SMYD4: variants seen among roughly 807,000 people sequenced by gnomAD.
SMYD4 encodes protein-lysine N-methyltransferase SMYD4.
SMYD4 carries 68 observed loss-of-function variants against 72.8 expected under a neutral mutation model. That is an observed-to-expected ratio of 0.93 (90% CI 0.77 to 1.14). The LOEUF is 1.14. Among genes scored for constraint, SMYD4 ranks in the 50% most tolerant of loss-of-function variants. SMYD4 has a pLI of 0.00. For missense variants in SMYD4, 984 were observed against 1,003.7 expected, an observed-to-expected ratio of 0.98 and a Z score of 0.27; for synonymous variants, 407 against 388.6, an observed-to-expected ratio of 1.05 and a Z score of -0.56.
chr17:1,786,786 G>A (rs376851435), intron 7 of SMYD4, 24 bp downstream of exon 7: 40 of 1,613,460 alleles, frequency 2.5e-5, no homozygotes, highest in African/African-American at 5.3e-5. Flanking sequence ...CAGGAAAAGT[G>A]GAGGAGACAG....
intron 5 of SMYD4, among the ~76,000 whole-genome samples, chr17:1,795,334 C>G (rs1375276190): frequency 1.4e-5 from 1 of 69,852 alleles, no homozygotes; most frequent in African/African-American, 3.0e-5. Flanking sequence ...ATCTATCTAT[C>G]TAATCATCTA....
intron 2 of SMYD4, among the ~76,000 whole-genome samples, chr17:1,818,803 G>C (rs1854013650): frequency 6.6e-6 from 1 of 151,744 alleles, no homozygotes; most frequent in Admixed American, 6.6e-5. Flanking sequence ...ATCATGCGTG[G>C]CTAAATTACT....
Position 1,783,070 on chromosome 17 carries a change from A to G in SMYD4, c.2226T>C (p.His742=), listed in dbSNP as rs745884426. 3.7e-6 allele frequency: 6 copies of G among 1,613,736 alleles called. No homozygotes were observed. The highest frequency in any genetic ancestry group is 1.1e-5 in the South Asian group (1 of 91,076). ...RHGPSSVEMG[H]ELFKLAQIFF... is the part of the protein sequence containing the mutation. ...AGATCTGGGCCAATTTGAAGAGCTC[A>G]TGGCCCATTTCAACACTGGACGGCC... The change falls in exon 10 of 11, where the codon CAT becomes CAC. Residue 742 remains histidine, a synonymous_variant. Transcript: ENST00000305513.
chr17:1,781,551 C>T, intron 10 of SMYD4, 112 bp from the exon 11 acceptor site: 1 of 1,280,296 alleles, frequency 7.8e-7, no homozygotes, highest in Non-Finnish European at 1.1e-6. Flanking sequence ...CATCAAGGAT[C>T]CTACAATCTA....
intron 8 of SMYD4, chr17:1,783,716 T>C: frequency 1.7e-6 from 1 of 602,120 alleles, no homozygotes; most frequent in Non-Finnish European, 2.8e-6. Flanking sequence ...ATTTTCAACA[T>C]TAACTTCCCA....
At chr17:1,820,549 C>T (rs900849428) in intron 2 of SMYD4, among the ~76,000 whole-genome samples, 1 of 152,160 alleles carries the variant, frequency 6.6e-6, no homozygotes. Context: ...CTGGCCTACG[C>T]TCTTTTTTAT....
At chr17:1,818,216 C>T (rs1308905587) in intron 2 of SMYD4, among the ~76,000 whole-genome samples, 3 of 152,162 alleles carry the variant, frequency 2.0e-5, no homozygotes, top group Admixed American at 2.0e-4. Flanking sequence ...CCAGCCTTGC[C>T]ATCTCTCTCT....
Position 1,800,597 on chromosome 17 carries a change from A to T in SMYD4, c.797T>A (p.Val266Glu). 6.2e-7 allele frequency: 1 copy of T among 1,614,144 alleles called. No individual in the cohort carries two copies. Among genetic ancestry groups the T allele is most frequent in the African/African-American group, 1.3e-5 (1 of 75,058 alleles). Reference protein sequence around the residue: ...GELLVQEDAFVSVLNPGELPP... With the variant: ...GELLVQEDAFESVLNPGELPP... ...CAGTTCTCCTGGGTTGAGAACACTC[A>T]CAAAAGCATCCTCCTGCACCAGGAG... Residue 266 changes from valine to glutamate, a missense_variant, in exon 5 of 11, where the codon GTG becomes GAG. Val to Glu is a moderately radical substitution (Grantham distance 121). Coordinates refer to ENST00000305513, the MANE Select transcript of SMYD4 (RefSeq NM_052928.3).
Position 1,800,669 on chromosome 17 carries a change from A to G in SMYD4, c.725T>C (p.Leu242Ser). The change falls in exon 5 of 11, where the codon TTA becomes TCA. Residue 242 changes from leucine (L) to serine (S), a missense_variant. Coordinates refer to ENST00000305513, the MANE Select transcript of SMYD4 (RefSeq NM_052928.3). The stretch of plus-strand genomic sequence containing the variant: ...TGTGGCAACGAGACAGCGACCTTTT[A>G]AAGGATCTACGCATAAGCCGATGGA... ...SSSIGLCVDP[L>S]KGRCLVATKD... 1.2e-6 allele frequency: 2 copies of G among 1,614,136 alleles called. No homozygotes were observed. The highest frequency in any genetic ancestry group is 4.5e-5 in the East Asian group (2 of 44,886).
In SMYD4 at chr17:1,799,920, T is replaced by C. The variant is rs775607750; in HGVS notation, c.1474A>G (p.Met492Val). 6.2e-7 allele frequency: 1 copy of C among 1,613,904 alleles called. No individual in the cohort carries two copies. The highest frequency in any genetic ancestry group is 1.1e-5 in the South Asian group (1 of 91,068). ...CPDVTIWGVA[M>V]LRHMLQLQCN... ...TGAAGCTGTAACATGTGTCTCAGCATCGCCACTCCCCAAATAGTCACGTCA... is the reference window on the plus strand; with the variant it reads ...TGAAGCTGTAACATGTGTCTCAGCACCGCCACTCCCCAAATAGTCACGTCA... The change falls in exon 5 of 11, where the codon ATG becomes GTG. Residue 492 changes from methionine (M) to valine (V), a missense_variant. Physicochemically the swap from Met to Val is conservative, Grantham distance 21. Coordinates refer to ENST00000305513, the MANE Select transcript of SMYD4 (RefSeq NM_052928.3).
intron 3 of SMYD4, among the ~76,000 whole-genome samples, chr17:1,809,196 T>TA (rs1220292818): frequency 6.6e-6 from 1 of 151,642 alleles, no homozygotes; most frequent in African/African-American, 2.4e-5. Context: ...AATTTAAACT[T>TA]ATTCTTTTAA....
At chr17:1,801,631 A>G (rs1041740565) in intron 4 of SMYD4, among the ~76,000 whole-genome samples, 4 of 150,642 alleles carry the variant, frequency 2.7e-5, no homozygotes, top group African/African-American at 9.7e-5. Flanking sequence ...CTTTGAAAAA[A>G]AAAAAAAAAA....
chr17:1,822,832 G>A (rs1910962900), intron 2 of SMYD4, among the ~76,000 whole-genome samples: 2 of 151,998 alleles, frequency 1.3e-5, no homozygotes, highest in Non-Finnish European at 2.9e-5. Flanking sequence ...TAATTGGGGG[G>A]AAAAGCCTTA....
In SMYD4 at chr17:1,780,582, C is replaced by G. The variant is rs1908310165; in HGVS notation, c.*704G>C. ...CACACCCGACCCACAGAACCCACAC[C>G]CGACCCACAGAACCCACATCTGGCA... is the stretch of plus-strand genomic sequence containing the variant. On this transcript the variant is annotated 3_prime_UTR_variant, in exon 11 of 11. Transcript: ENST00000305513. The G allele has an allele frequency of 6.6e-6, 1 of 151,924 alleles. No homozygotes were observed. The highest frequency in any genetic ancestry group is 1.5e-5 in the Non-Finnish European group (1 of 68,084). The allele number at this position is 151,924 out of a possible 1,614,324, so 9.4% of individuals were successfully genotyped here. A position where few individuals can be genotyped will look rare whatever the true frequency, so the allele number is the denominator to read the frequency against.
Position 1,781,099 on chromosome 17 carries a change from T to C in SMYD4, c.*187A>G. The C allele has an allele frequency of 1.6e-6, 1 of 607,350 alleles. No individual in the cohort carries two copies. The highest frequency in any genetic ancestry group is 2.6e-6 in the Non-Finnish European group (1 of 385,982). 37.6% of individuals were successfully genotyped at this position (607,350 alleles called of 1,614,324 possible). ...CACGCCTGGCTAGTTTTTTGTATTTTTAGTAAAGATGGGGTTTCACCATGT... is the reference window on the plus strand; with the variant it reads ...CACGCCTGGCTAGTTTTTTGTATTTCTAGTAAAGATGGGGTTTCACCATGT... On this transcript the variant is annotated 3_prime_UTR_variant, in exon 11 of 11. Coordinates refer to ENST00000305513, the MANE Select transcript of SMYD4 (RefSeq NM_052928.3).
chr17:1,806,866 T>C (rs1217928238), intron 3 of SMYD4, among the ~76,000 whole-genome samples: 2 of 152,188 alleles, frequency 1.3e-5, no homozygotes, highest in Admixed American at 6.6e-5. Flanking sequence ...CCTACAGTTA[T>C]ATATGAAAAA....
chr17:1,806,028 A>G (rs1910015290), intron 3 of SMYD4, among the ~76,000 whole-genome samples: 2 of 147,316 alleles, frequency 1.4e-5, no homozygotes, highest in African/African-American at 5.0e-5. Context: ...GGTTCGCGCC[A>G]TTCTCCTGCC....
At chr17:1,792,950 T>TTA (rs1909141016) in intron 5 of SMYD4, among the ~76,000 whole-genome samples, 1 of 151,924 alleles carries the variant, frequency 6.6e-6, no homozygotes, top group Non-Finnish European at 1.5e-5. Context: ...TGCTATTTTT[T>TTA]AGACAGGGTC....
chr17:1,796,784 C>A (rs1909431661), intron 5 of SMYD4, among the ~76,000 whole-genome samples: 1 of 152,114 alleles, frequency 6.6e-6, no homozygotes, highest in Admixed American at 6.6e-5. Context: ...TGGTAACTTT[C>A]TGCTATTTAA....
Sources: allele counts gnomAD v4.1 joint callset (sites outside exome capture counted in the v4.1 genomes callset), GRCh38; gene constraint gnomAD v4.1.1; transcripts MANE v1.5; gene names NCBI Gene and HGNC (gene_info 2026-07-23, HGNC 2026-07-21).